The following PPARGC1A variants were observed in gnomAD, a reference collection of about 807,000 sequenced individuals.
The protein encoded by PPARGC1A is peroxisome proliferator-activated receptor gamma coactivator 1-alpha.
In PPARGC1A, 25 loss-of-function variants were observed where a neutral mutation model predicts 88.7. The ratio of observed to expected loss-of-function variants is 0.28; its 90% confidence interval spans 0.21 to 0.39. The LOEUF (loss-of-function observed/expected upper bound fraction) is 0.39, where lower values mean the gene tolerates loss of function less well. Ranked by LOEUF, PPARGC1A falls within the 10% of genes least tolerant of loss-of-function variation. PPARGC1A has a pLI of 1.00. For synonymous variants in PPARGC1A, 363 were observed against 355.6 expected (o/e 1.02, Z -0.24); for missense variants, 880 against 968.7 (o/e 0.91, Z 1.22).
the PPARGC1A span, among the ~76,000 whole-genome samples, chr4:24,309,492 C>T: frequency 6.6e-6 from 1 of 152,100 alleles, no homozygotes; most frequent in Non-Finnish European, 1.5e-5. Flanking sequence ...GCGATGTGGA[C>T]CATGGCATGA....
chr4:24,000,667 G>A, the PPARGC1A span, among the ~76,000 whole-genome samples: 52 of 152,128 alleles, frequency 3.4e-4, no homozygotes, highest in African/African-American at 5.3e-4. Flanking sequence ...TTTTTCTTAC[G>A]TGACAGGACT....
At chr4:24,094,419 A>C in the PPARGC1A span, among the ~76,000 whole-genome samples, 1 of 151,988 alleles carries the variant, frequency 6.6e-6, no homozygotes, top group Admixed American at 6.6e-5. Context: ...TTCTACCCAG[A>C]CTCTCACACT....
chr4:24,409,723 T>C, the PPARGC1A span, among the ~76,000 whole-genome samples: 1 of 152,152 alleles, frequency 6.6e-6, no homozygotes. Flanking sequence ...ATGTAGGGTG[T>C]GCATGGCTCA....
the PPARGC1A span, among the ~76,000 whole-genome samples, chr4:24,231,358 CT>C: frequency 3.9e-5 from 6 of 152,168 alleles, no homozygotes; most frequent in Admixed American, 6.5e-5. Context: ...AGGGTAGCTA[CT>C]TTAAAACCCC....
At chr4:24,466,902 A>AAAAAAAAAAAG in the PPARGC1A span, among the ~76,000 whole-genome samples, 1 of 135,660 alleles carries the variant, frequency 7.4e-6, no homozygotes, top group Non-Finnish European at 1.6e-5. Flanking sequence ...AAAAAAAAAG[A>AAAAAAAAAAAG]GGAAGGAAGG....
the PPARGC1A span, among the ~76,000 whole-genome samples, chr4:24,059,006 G>A: frequency 6.6e-6 from 1 of 152,150 alleles, no homozygotes; most frequent in Non-Finnish European, 1.5e-5. Flanking sequence ...ACTGTGTTTT[G>A]TATGTGGGTG....
the PPARGC1A span, among the ~76,000 whole-genome samples, chr4:24,329,621 C>T: frequency 6.6e-6 from 1 of 152,180 alleles, no homozygotes; most frequent in Non-Finnish European, 1.5e-5. Context: ...AGGCAAGCTC[C>T]TCCATTATGA....
At chr4:24,134,215 G>C in the PPARGC1A span, among the ~76,000 whole-genome samples, 2 of 152,304 alleles carry the variant, frequency 1.3e-5, no homozygotes, top group East Asian at 3.9e-4. Flanking sequence ...AAAGCCAAGT[G>C]GAGTTATCAG....
chr4:24,278,348 C>G, the PPARGC1A span, among the ~76,000 whole-genome samples: 1 of 152,132 alleles, frequency 6.6e-6, no homozygotes, highest in South Asian at 2.1e-4. Context: ...AACTTATTAT[C>G]TAGAAAAACA....
chr4:23,981,200 G>A, the PPARGC1A span, among the ~76,000 whole-genome samples: 1 of 151,874 alleles, frequency 6.6e-6, no homozygotes, highest in Non-Finnish European at 1.5e-5. Flanking sequence ...AGAAGGCAAT[G>A]GACTTTTAGT....
chr4:24,446,897 GATTGA>G, the PPARGC1A span, among the ~76,000 whole-genome samples: 2 of 152,182 alleles, frequency 1.3e-5, no homozygotes, highest in African/African-American at 2.4e-5. Context: ...ACCACTCCCA[GATTGA>G]ATTTATTAAT....
At chr4:24,124,540 G>A in the PPARGC1A span, among the ~76,000 whole-genome samples, 4 of 152,316 alleles carry the variant, frequency 2.6e-5, no homozygotes, top group African/African-American at 4.8e-5. Context: ...TCAGAGCAGC[G>A]TGGAAACCCT....
chr4:24,392,551 T>C, the PPARGC1A span, among the ~76,000 whole-genome samples: 1 of 152,194 alleles, frequency 6.6e-6, no homozygotes, highest in East Asian at 1.9e-4. Flanking sequence ...TGCCTCCCAT[T>C]TTTATCACCT....
At position 23,814,478 on chromosome 4, in the gene PPARGC1A, C is replaced by T; in HGVS notation, c.1005G>A (p.Glu335=). ...PPPSKKPRYS[E]SSGTQGNNST... ...AGTTATTGCCTTGTGTACCAGAAGA[C>T]TCACTGTACCTGGGCTTCTTTGATG... is the stretch of plus-strand genomic sequence containing the variant. The change falls in exon 8 of 13, where the codon GAG becomes GAA. Residue 335 remains glutamate, a synonymous_variant. Transcript: ENST00000264867. 6.2e-7 allele frequency: 1 copy of T among 1,613,692 alleles called. No homozygotes were observed. The highest frequency in any genetic ancestry group is 8.5e-7 in the Non-Finnish European group (1 of 1,179,912).
the PPARGC1A span, among the ~76,000 whole-genome samples, chr4:24,299,000 C>T: frequency 6.6e-6 from 1 of 152,070 alleles, no homozygotes; most frequent in Non-Finnish European, 1.5e-5. Context: ...GCTAATAGGC[C>T]ACTGGTGGAC....
the PPARGC1A span, among the ~76,000 whole-genome samples, chr4:23,964,863 C>A: frequency 2.0e-5 from 3 of 152,164 alleles, no homozygotes; most frequent in South Asian, 6.2e-4. Flanking sequence ...TTTCAATAGT[C>A]TTGATCTGAT....
At chr4:24,155,910 C>G in the PPARGC1A span, among the ~76,000 whole-genome samples, 1 of 152,160 alleles carries the variant, frequency 6.6e-6, no homozygotes, top group Admixed American at 6.5e-5. Flanking sequence ...GCACTAGGAT[C>G]TCTATAATTG....
At chr4:24,262,926 G>A in the PPARGC1A span, among the ~76,000 whole-genome samples, 6 of 152,112 alleles carry the variant, frequency 3.9e-5, no homozygotes, top group South Asian at 6.2e-4. Context: ...CCTTGCAGAC[G>A]GCTCCATGCA....
chr4:24,284,296 G>A, the PPARGC1A span, among the ~76,000 whole-genome samples: 36 of 152,140 alleles, frequency 2.4e-4, no homozygotes, highest in East Asian at 5.4e-3. Flanking sequence ...GCGACAGAGC[G>A]AGACTCCATC....
Sources: allele counts gnomAD v4.1 joint callset (sites outside exome capture counted in the v4.1 genomes callset), GRCh38; gene constraint gnomAD v4.1.1; transcripts MANE v1.5; gene names NCBI Gene and HGNC (gene_info 2026-07-23, HGNC 2026-07-21).